The following MYBL2 variants were observed in gnomAD, a reference collection of about 807,000 sequenced individuals.
MYBL2 encodes myb-related protein B.
MYBL2 carries 28 observed loss-of-function variants against 79.9 expected under a neutral mutation model. That is an observed-to-expected ratio of 0.35 (90% CI 0.26 to 0.48). The LOEUF is 0.48. Among genes scored for constraint, MYBL2 ranks in the 20% least tolerant of loss-of-function variants. The pLI, the probability that MYBL2 is intolerant of heterozygous loss-of-function variation, is 0.99. For missense variants in MYBL2, 735 were observed against 893.9 expected (o/e 0.82, Z 2.27); for synonymous variants, 378 against 361.2 (o/e 1.05, Z -0.53).
intron 5 of MYBL2, among the ~76,000 whole-genome samples, chr20:43,691,927 G>A (rs1600553237): frequency 6.6e-6 from 1 of 151,664 alleles, no homozygotes; most frequent in East Asian, 1.9e-4. Flanking sequence ...TTTTGCCATA[G>A]CCTGAATGAT....
At position 43,716,176 on chromosome 20, in the gene MYBL2, C is replaced by A; in HGVS notation, c.*89C>A. 1 of 1,577,108 alleles carries A rather than the reference C, an allele frequency of 6.3e-7. No individual in the cohort carries two copies. The highest frequency in any genetic ancestry group is 1.1e-5 in the South Asian group (1 of 88,342). ...GTGAATCTGAGAGTCATTCAGGTGA[C>A]CTCCTGCAGGGAGCCTTCTGCCACC... On this transcript the variant is annotated 3_prime_UTR_variant, in exon 14 of 14. Coordinates refer to ENST00000217026, the MANE Select transcript of MYBL2 (RefSeq NM_002466.4).
intron 6 of MYBL2, 33 bp downstream of exon 6, chr20:43,692,352 G>A: frequency 6.2e-7 from 1 of 1,611,296 alleles, no homozygotes; most frequent in East Asian, 2.2e-5. Flanking sequence ...GGCTTGGTTT[G>A]ATTTCACATT....
intron 12 of MYBL2, 74 bp downstream of exon 12, chr20:43,713,180 C>A: frequency 5.0e-6 from 5 of 999,960 alleles, no homozygotes; most frequent in African/African-American, 1.7e-5. Flanking sequence ...AGTGACTCTC[C>A]AACTGGGCTT....
chr20:43,671,462 C>CCTT (rs1986853275), intron 1 of MYBL2, among the ~76,000 whole-genome samples: 2 of 128,590 alleles, frequency 1.6e-5, no homozygotes, highest in African/African-American at 6.7e-5. Flanking sequence ...GGCTGATTTC[C>CCTT]ATTTTTTTTT....
At chr20:43,669,437 C>T (rs1191093083) in intron 1 of MYBL2, among the ~76,000 whole-genome samples, 1 of 152,220 alleles carries the variant, frequency 6.6e-6, no homozygotes, top group East Asian at 1.9e-4. Context: ...AGCTCCACAG[C>T]CCTCAGCCCA....
At chr20:43,713,545 G>T (rs1022119021) in intron 12 of MYBL2, among the ~76,000 whole-genome samples, 1 of 151,948 alleles carries the variant, frequency 6.6e-6, no homozygotes, top group Non-Finnish European at 1.5e-5. Flanking sequence ...GCATCACCAC[G>T]CCCGGCTAAT....
intron 9 of MYBL2, among the ~76,000 whole-genome samples, chr20:43,706,784 C>T (rs1426249388): frequency 3.7e-5 from 5 of 133,866 alleles, no homozygotes; most frequent in Non-Finnish European, 4.6e-5. Context: ...GGTGCAATCT[C>T]GGCTCACTGC....
At chr20:43,706,066 A>G (rs550305034) in intron 9 of MYBL2, among the ~76,000 whole-genome samples, 260 of 152,230 alleles carry the variant, frequency 1.7e-3, no homozygotes, top group Non-Finnish European at 2.6e-3. Context: ...CCTTAAAGTG[A>G]TCTTCCTGCC....
At chr20:43,688,422 G>A (rs904688860) in intron 5 of MYBL2, among the ~76,000 whole-genome samples, 4 of 151,932 alleles carry the variant, frequency 2.6e-5, no homozygotes, top group South Asian at 2.1e-4. Context: ...GGCTGGTCTC[G>A]AACTCTTGAC....
intron 6 of MYBL2, among the ~76,000 whole-genome samples, chr20:43,696,934 C>G (rs1243175631): frequency 6.6e-6 from 1 of 152,288 alleles, no homozygotes; most frequent in Non-Finnish European, 1.5e-5. Flanking sequence ...ACCATGTTGG[C>G]CAGGATGGTC....
chr20:43,673,651 G>A (rs1986921157), intron 1 of MYBL2, 155 bp from the exon 2 acceptor site: 1 of 749,580 alleles, frequency 1.3e-6, no homozygotes, highest in Admixed American at 1.8e-5. Context: ...AAAAATAAGT[G>A]AAGCAGAAGT....
chr20:43,695,159 G>A (rs1231880317), intron 6 of MYBL2, among the ~76,000 whole-genome samples: 1 of 151,702 alleles, frequency 6.6e-6, no homozygotes, highest in African/African-American at 2.4e-5. Context: ...TCAGCCTCCT[G>A]AGTAGCTGGG....
At chr20:43,705,445 G>A (rs1317165057) in intron 9 of MYBL2, 87 bp downstream of exon 9, 1 of 1,429,862 alleles carries the variant, frequency 7.0e-7, no homozygotes, top group Non-Finnish European at 9.3e-7. Context: ...TGGAACAGTG[G>A]GGAGGGGGCA....
chr20:43,702,076 G>A (rs1227717834), intron 7 of MYBL2, among the ~76,000 whole-genome samples: 2 of 152,100 alleles, frequency 1.3e-5, no homozygotes, highest in Non-Finnish European at 2.9e-5. Context: ...GCAGTGAGCC[G>A]AGGTTGCACC....
chr20:43,715,952 C>T lies in MYBL2; in HGVS notation c.1975-7C>T, dbSNP rs1161741693. 1 of 1,608,026 alleles carries T rather than the reference C, an allele frequency of 6.2e-7. No individual in the cohort carries two copies. The highest frequency in any genetic ancestry group is 1.1e-5 in the South Asian group (1 of 90,810). On this transcript the variant is annotated splice_polypyrimidine_tract_variant and splice_region_variant and intron_variant, in intron 13 of 13. Coordinates refer to ENST00000217026, the MANE Select transcript of MYBL2 (RefSeq NM_002466.4). ...GCCTGGATGGTAACCCTCTTGCCTC[C>T]TCCCAGATGTCCAGTGCCTGGAAGA...
chr20:43,697,627 G>C (rs893652220), intron 6 of MYBL2, among the ~76,000 whole-genome samples: 1 of 151,672 alleles, frequency 6.6e-6, no homozygotes, highest in Admixed American at 6.6e-5. Context: ...ACAAGGGCTG[G>C]GCGCAATGGC....
intron 12 of MYBL2, among the ~76,000 whole-genome samples, chr20:43,714,387 C>G (rs166941): frequency 0.93 from 141,858 of 152,256 alleles, 66,239 homozygotes; most frequent in African/African-American, 0.97. Flanking sequence ...TGTGACAAAG[C>G]CAACGTTATT....
intron 6 of MYBL2, 137 bp from the exon 7 acceptor site, chr20:43,699,620 A>G: frequency 1.1e-6 from 1 of 931,188 alleles, no homozygotes; most frequent in East Asian, 2.6e-5. Flanking sequence ...TGGTATGGCT[A>G]ATTATTCTGT....
intron 1 of MYBL2, among the ~76,000 whole-genome samples, chr20:43,669,996 C>T (rs1331810428): frequency 1.4e-4 from 21 of 152,226 alleles, no homozygotes; most frequent in Admixed American, 1.2e-3. Flanking sequence ...CGCGGCTATT[C>T]GGGAGGCTGA....
Sources: allele counts gnomAD v4.1 joint callset (sites outside exome capture counted in the v4.1 genomes callset), GRCh38; gene constraint gnomAD v4.1.1; transcripts MANE v1.5; gene names NCBI Gene and HGNC (gene_info 2026-07-23, HGNC 2026-07-21).